The following SCAF1 variants were observed in gnomAD, a reference collection of about 807,000 sequenced individuals.
SCAF1 encodes the protein SR-related CTD associated factor 1.
SCAF1 carries 28 observed loss-of-function variants against 91.2 expected under a neutral mutation model. The ratio of observed to expected loss-of-function variants is 0.31; its 90% CI spans 0.23 to 0.42. SCAF1 has a LOEUF of 0.42. SCAF1 is among the 10% of genes least tolerant of loss of function. The pLI is 1.00. For synonymous variants in SCAF1, 1,036 were observed against 833.7 expected (o/e 1.24, Z -4.18); for missense variants, 1,893 against 1,872.1 (o/e 1.01, Z -0.21).
At chr19:49,654,472 T>A (rs2081125796) in intron 8 of SCAF1, 41 bp downstream of exon 8, 2 of 1,584,300 alleles carry the variant, frequency 1.3e-6, no homozygotes, top group Non-Finnish European at 1.7e-6. Context: ...CCCCTTCTTT[T>A]GTCCATTGCC....
In SCAF1 at chr19:49,646,561, G is replaced by A. The variant is rs1313720760; in HGVS notation, c.297G>A (p.Gly99=). ...LDMATDSFLA[G]LVSVLDPPDT... The stretch of plus-strand genomic sequence containing the variant: ...TGGCCACGGACAGCTTCCTCGCAGG[G>A]CTGGTGAGTGTCCTGGATCCCCCGG... The change falls in exon 5 of 11, where the codon GGG becomes GGA. Residue 99 remains glycine (G), a synonymous_variant. Coordinates refer to ENST00000360565, the MANE Select transcript of SCAF1 (RefSeq NM_021228.3). The surrounding 1 kb of genome is among the most constrained non-coding windows in gnomAD (Gnocchi z 5.6). 3.1e-6 allele frequency: 5 copies of A among 1,614,104 alleles called. No individual in the cohort carries two copies. Among genetic ancestry groups the A allele is most frequent in the South Asian group, 2.2e-5 (2 of 91,082 alleles).
At chr19:49,654,269 C>T (rs1568445838) in intron 7 of SCAF1, 80 bp from the exon 8 acceptor site, 2 of 1,190,192 alleles carry the variant, frequency 1.7e-6, no homozygotes, top group Non-Finnish European at 2.5e-6. Flanking sequence ...GAGATGACAG[C>T]AGGTGTCCAG....
rs761097448 is a variant in SCAF1 at position 49,646,758 on chromosome 19, G to A, written c.406G>A (p.Asp136Asn). The change falls in exon 6 of 11, where the codon GAC (aspartate) becomes AAC (asparagine). Residue 136 changes from aspartate (D) to asparagine (N), a missense_variant. By Grantham distance (23) the Asp-to-Asn change is conservative. This residue lies in a region of SCAF1 where 270 missense variants were observed against 292.5 expected (regional missense o/e 0.92). Transcript: ENST00000360565. This position sits in a 1 kb window ranked among gnomAD's most constrained non-coding sequence, Gnocchi z 5.6. ...GCTGGTGGCTGAGGTCCGAATCGGG[G>A]ACAGAGATCCCATCCCTCTGCCTGT... ...LELVAEVRIGDRDPIPLPVPS... is the reference protein window; with the variant it reads ...LELVAEVRIGNRDPIPLPVPS... 1 of 1,613,974 alleles carries A rather than the reference G, an allele frequency of 6.2e-7. No homozygotes were observed. Among genetic ancestry groups the A allele is most frequent in the Non-Finnish European group, 8.5e-7 (1 of 1,180,022 alleles).
intron 6 of SCAF1, among the ~76,000 whole-genome samples, chr19:49,650,586 CG>C (rs2081079316): frequency 6.6e-6 from 1 of 152,260 alleles, no homozygotes; most frequent in East Asian, 1.9e-4. Context: ...AGTGCAGGTT[CG>C]GGGCCGCACT....
In SCAF1 at chr19:49,652,098, C is replaced by T. The variant is rs1321514781; in HGVS notation, c.1709C>T (p.Ala570Val). 4.4e-6 allele frequency: 5 copies of T among 1,137,940 alleles called. No individual in the cohort carries two copies. Among genetic ancestry groups the T allele is most frequent in the East Asian group, 6.7e-5 (1 of 14,966 alleles). 70.5% of individuals were successfully genotyped at this position (1,137,940 alleles called of 1,614,324 possible). The change falls in exon 7 of 11, where the codon GCC becomes GTC. Residue 570 changes from alanine (A) to valine (V), a missense_variant. Physicochemically the swap from Ala to Val is moderately conservative, Grantham distance 64 (BLOSUM62 0). Coordinates refer to ENST00000360565, the MANE Select transcript of SCAF1 (RefSeq NM_021228.3). Reference protein sequence around the residue: ...RKPGSHASSSARRRSRSRSRS... With the variant: ...RKPGSHASSSVRRRSRSRSRS... ...CCCGGCTCCCACGCCTCGTCGTCCG[C>T]CCGCCGCCGCTCCCGCTCCCGCTCC...
At position 49,651,839 on chromosome 19, in the gene SCAF1, C is replaced by T. The variant is rs1386134370; in HGVS notation, c.1450C>T (p.Arg484Cys). The change falls in exon 7 of 11, where the codon CGC (arginine) becomes TGC (cysteine). Residue 484 changes from arginine (R) to cysteine (C), a missense_variant. Arg to Cys is a radical substitution (Grantham distance 180). Transcript: ENST00000360565. ...GCGCTGGGGCGGCCTGGACCTGCGC[C>T]GCAAGATCCTGACCCAACGGCGGGA... ...DSRWGGLDLR[R>C]KILTQRRERY... 1.6e-6 allele frequency: 2 copies of T among 1,251,358 alleles called. No individual in the cohort carries two copies. The highest frequency in any genetic ancestry group is 4.6e-5 in the Admixed American group (1 of 21,776). 77.5% of individuals were successfully genotyped at this position (1,251,358 alleles called of 1,614,324 possible). A position where few individuals can be genotyped will look rare whatever the true frequency, so the allele number is the denominator to read the frequency against.
Position 49,646,546 on chromosome 19 carries a change from C to A in SCAF1, c.282C>A (p.Asp94Glu), listed in dbSNP as rs1429449251. 1 of 1,614,042 alleles carries A rather than the reference C, an allele frequency of 6.2e-7. No homozygotes were observed. The highest frequency in any genetic ancestry group is 2.2e-5 in the East Asian group (1 of 44,886). ...DTATVLDMAT[D>E]SFLAGLVSVL... ...TCCAGGTGTTGGACATGGCCACGGA[C>A]AGCTTCCTCGCAGGGCTGGTGAGTG... Residue 94 changes from aspartate to glutamate, a missense_variant, in exon 5 of 11, where the codon GAC becomes GAA. Physicochemically the swap from Asp to Glu is conservative, Grantham distance 45. This residue lies in a region of SCAF1 where 270 missense variants were observed against 292.5 expected (regional missense o/e 0.92). Coordinates refer to ENST00000360565, the MANE Select transcript of SCAF1 (RefSeq NM_021228.3). The surrounding 1 kb of genome is among the most constrained non-coding windows in gnomAD (Gnocchi z 5.6).
At position 49,652,448 on chromosome 19, in the gene SCAF1, C is replaced by T; in HGVS notation, c.2059C>T (p.Pro687Ser). The change falls in exon 7 of 11, where the codon CCA becomes TCA. Residue 687 changes from proline (P) to serine (S), a missense_variant. Around this residue, in one of 5 missense-constraint regions of SCAF1, gnomAD observed 1,436 missense variants for 1,306.8 expected, o/e 1.10. Coordinates refer to ENST00000360565, the MANE Select transcript of SCAF1 (RefSeq NM_021228.3). ...CGACAGCCGCCGCCGGGGGGCCGTGCCACCCTCCATCCAGGACCTCACGGA... is the reference window on the plus strand; with the variant it reads ...CGACAGCCGCCGCCGGGGGGCCGTGTCACCCTCCATCCAGGACCTCACGGA... ...DRDSRRRGAVPPSIQDLTDHD... is the reference protein window; with the variant it reads ...DRDSRRRGAVSPSIQDLTDHD... 6.2e-7 allele frequency: 1 copy of T among 1,601,784 alleles called. No homozygotes were observed.
rs1048957519 is a variant in SCAF1 at position 49,651,655 on chromosome 19, C to T, written c.1266C>T (p.Ala422=). The change falls in exon 7 of 11, where the codon GCC becomes GCT. Residue 422 remains alanine (A), a synonymous_variant. Transcript: ENST00000360565. ...GCCGGGCCGCCCGGCCTACACCGGC[C>T]GCCTCGGCCACCCCCACGGCCCAGC... ...PGGRAARPTP[A]ASATPTAQPL... The T allele has an allele frequency of 3.4e-5, 48 of 1,421,252 alleles. No homozygotes were observed. The African/African-American group carries it at 4.6e-4, about 14-fold the overall frequency. 88.0% of individuals were successfully genotyped at this position (1,421,252 alleles called of 1,614,324 possible). A position where few individuals can be genotyped will look rare whatever the true frequency, so the allele number is the denominator to read the frequency against.
In SCAF1 at chr19:49,650,600, C is replaced by CT. The variant is rs531725381; in HGVS notation, c.479-267dup. Among the ~76,000 whole-genome samples, 37 of 152,316 alleles carry CT rather than the reference C, an allele frequency of 2.4e-4. No individual in the cohort carries two copies. In the East Asian group the frequency reaches 6.6e-3, roughly 27 times the overall value. On this transcript the variant is annotated intron_variant, in intron 6 of 10. Transcript: ENST00000360565. ...GAGTGCAGGTTCGGGGCCGCACTGA[C>CT]TGAGTTTACACCCTGACTGCTGCCT...
At position 49,652,437 on chromosome 19, in the gene SCAF1, G is replaced by T. The variant is rs753233955; in HGVS notation, c.2048G>T (p.Arg683Leu). ...TSCGDRDSRR[R>L]GAVPPSIQDL... ...TGTGGTGACCGCGACAGCCGCCGCC[G>T]GGGGGCCGTGCCACCCTCCATCCAG... Residue 683 changes from arginine to leucine, a missense_variant, in exon 7 of 11, where the codon CGG becomes CTG. By Grantham distance (102) the Arg-to-Leu change is moderately radical. Coordinates refer to ENST00000360565, the MANE Select transcript of SCAF1 (RefSeq NM_021228.3). The T allele has an allele frequency of 1.4e-5, 23 of 1,598,590 alleles. No individual in the cohort carries two copies. Among genetic ancestry groups the T allele is most frequent in the Admixed American group, 1.0e-4 (6 of 59,140 alleles).
In SCAF1 at chr19:49,658,356, C is replaced by T; in HGVS notation, c.3896C>T (p.Pro1299Leu). 6.4e-7 allele frequency: 1 copy of T among 1,568,554 alleles called. No individual in the cohort carries two copies. ...GPPRPPKEPG[P>L]PDKGGPGLPL... ...CCACGGCCGCCCAAGGAGCCAGGGC[C>T]CCCAGACAAGGGTGGCCCGGGCCTG... Residue 1299 changes from proline to leucine, a missense_variant, in exon 11 of 11, where the codon CCC becomes CTC. By Grantham distance (98) the Pro-to-Leu change is moderately conservative (BLOSUM62 -3). Transcript: ENST00000360565.
chr19:49,645,972 G>T lies in SCAF1; in HGVS notation c.167-136G>T. On this transcript the variant is annotated intron_variant, in intron 3 of 10. Transcript: ENST00000360565. The surrounding 1 kb of genome is among the most constrained non-coding windows in gnomAD (Gnocchi z 4.6). ...GTGCTGGGAAGTCCTCCTGGGAGGT[G>T]GCGCATGGAGGCCTGGAGAGCATGC... 1 of 743,344 alleles carries T rather than the reference G, an allele frequency of 1.3e-6. No homozygotes were observed. The highest frequency in any genetic ancestry group is 2.3e-6 in the Non-Finnish European group (1 of 435,404). 46.0% of individuals were successfully genotyped at this position (743,344 alleles called of 1,614,324 possible). A position where few individuals can be genotyped will look rare whatever the true frequency, so the allele number is the denominator to read the frequency against.
At position 49,651,185 on chromosome 19, in the gene SCAF1, T is replaced by C; in HGVS notation, c.796T>C (p.Ser266Pro). The change falls in exon 7 of 11, where the codon TCA (serine) becomes CCA (proline). Residue 266 changes from serine to proline, a missense_variant. Physicochemically the swap from Ser to Pro is moderately conservative, Grantham distance 74. This residue lies in a region of SCAF1 where 80 missense variants were observed against 116.6 expected (regional missense o/e 0.69). Transcript: ENST00000360565. ...SNPSSSAGTP[S>P]PEEEEEEEEE... ...CCCCAGCTCATCAGCGGGGACCCCC[T>C]CACCTGAGGAGGAAGAGGAGGAGGA... 1 of 1,611,048 alleles carries C rather than the reference T, an allele frequency of 6.2e-7. No homozygotes were observed. Among genetic ancestry groups the C allele is most frequent in the Non-Finnish European group, 8.5e-7 (1 of 1,179,276 alleles).
rs767842011 is a variant in SCAF1, at chr19:49,646,617, G to C, written c.353G>C (p.Arg118Pro). Reference protein sequence around the residue: ...DTWVPSRLDLRPGESEDMLEL... With the variant: ...DTWVPSRLDLPPGESEDMLEL... The stretch of plus-strand genomic sequence containing the variant: ...TGGGTTCCCAGCCGCCTGGACCTGC[G>C]GCCTGGCGAGTGAGTAGCTGGGCAG... The change falls in exon 5 of 11, where the codon CGG (arginine) becomes CCG (proline). Residue 118 changes from arginine to proline, a missense_variant. Transcript: ENST00000360565. The surrounding 1 kb of genome is among the most constrained non-coding windows in gnomAD (Gnocchi z 5.6). 4.3e-6 allele frequency: 7 copies of C among 1,614,104 alleles called. No homozygotes were observed. Among genetic ancestry groups the C allele is most frequent in the Non-Finnish European group, 5.9e-6 (7 of 1,180,002 alleles).
chr19:49,655,642 A>G (rs1454749872), intron 9 of SCAF1, among the ~76,000 whole-genome samples: 1 of 152,152 alleles, frequency 6.6e-6, no homozygotes, highest in African/African-American at 2.4e-5. Context: ...CAGGGATTAC[A>G]GGTGTGAGCC....
At chr19:49,649,479 A>G (rs1188715081) in intron 6 of SCAF1, among the ~76,000 whole-genome samples, 4 of 151,718 alleles carry the variant, frequency 2.6e-5, no homozygotes, top group African/African-American at 7.3e-5. Flanking sequence ...GGGACCGTAC[A>G]CTCCACTCAT....
intron 9 of SCAF1, among the ~76,000 whole-genome samples, chr19:49,656,207 G>T (rs936009860): frequency 6.6e-6 from 1 of 152,150 alleles, no homozygotes; most frequent in African/African-American, 2.4e-5. Context: ...GCCCTGGTCT[G>T]TGCTCTGCCC....
At chr19:49,648,946 G>C (rs937904363) in intron 6 of SCAF1, among the ~76,000 whole-genome samples, 2 of 149,912 alleles carry the variant, frequency 1.3e-5, no homozygotes, top group Non-Finnish European at 3.0e-5. Context: ...CTCCAGCCTG[G>C]GTAACAGAGT....
Sources: allele counts gnomAD v4.1 joint callset (sites outside exome capture counted in the v4.1 genomes callset), GRCh38; gene constraint gnomAD v4.1.1; regional missense constraint gnomAD v4.1.1; non-coding constraint Gnocchi (gnomAD v3.1); transcripts MANE v1.5; gene names NCBI Gene and HGNC (gene_info 2026-07-23, HGNC 2026-07-21).